The following IQCM variants were observed in gnomAD, a reference collection of about 807,000 sequenced individuals.
The protein encoded by IQCM is IQ domain-containing protein M.
Under a neutral mutation model 57.6 loss-of-function variants are expected in IQCM, and 45 were observed. That is an observed-to-expected ratio of 0.78 (90% CI 0.62 to 1.00). IQCM has a LOEUF of 1.00. IQCM is among the 50% of genes least tolerant of loss of function. The pLI is 0.00. For synonymous variants in IQCM, 148 were observed against 158.9 expected, an observed-to-expected ratio of 0.93 and a Z score of 0.51; for missense variants, 468 against 511.6, an observed-to-expected ratio of 0.91 and a Z score of 0.82.
rs573297441 is a variant in IQCM, at chr4:149,707,168, T to C, written c.386-20700A>G. ...ACATGGCTTGAAAATTCTTTAGCAGTGAGGTAAACTGGCTAATGGTAGTAG... is the reference window on the plus strand; with the variant it reads ...ACATGGCTTGAAAATTCTTTAGCAGCGAGGTAAACTGGCTAATGGTAGTAG... On this transcript the variant is annotated intron_variant, in intron 5 of 13. Coordinates refer to ENST00000636793, the MANE Select transcript of IQCM (RefSeq NM_001363507.2). Among the ~76,000 whole-genome samples the C allele has an allele frequency of 2.5e-4, 38 of 152,064 alleles. No individual in the cohort carries two copies. In the Middle Eastern group the frequency reaches 0.01, roughly 41 times the overall value.
chr4:149,419,153 A>G (rs965979698), intron 13 of IQCM, among the ~76,000 whole-genome samples: 3 of 152,142 alleles, frequency 2.0e-5, no homozygotes, highest in African/African-American at 7.2e-5. Context: ...TAAAATTCAT[A>G]TGGAACCAAA....
intron 12 of IQCM, among the ~76,000 whole-genome samples, chr4:149,466,526 A>G (rs1320473022): frequency 1.3e-5 from 2 of 152,224 alleles, no homozygotes; most frequent in African/African-American, 4.8e-5. Flanking sequence ...TACTTATGAG[A>G]AAACAGTTGG....
rs143773591 is a variant in IQCM at position 149,422,211 on chromosome 4, T to A, written c.1390+11185A>T. Reference sequence around the variant, plus strand: ...GATTTCAGAATGAAGTGCTATTTCCTACTACTTAATATGTGTAGTTGGAAA... The same window carrying A: ...GATTTCAGAATGAAGTGCTATTTCCAACTACTTAATATGTGTAGTTGGAAA... On this transcript the variant is annotated intron_variant, in intron 13 of 13. Coordinates refer to ENST00000636793, the MANE Select transcript of IQCM (RefSeq NM_001363507.2). 1.4e-4 allele frequency among the ~76,000 whole-genome samples: 21 copies of A among 152,152 alleles called. No homozygotes were observed. The East Asian group carries it at 3.9e-3, about 28-fold the overall frequency.
intron 12 of IQCM, among the ~76,000 whole-genome samples, chr4:149,464,492 C>A (rs563223393): frequency 1.3e-5 from 2 of 152,170 alleles, no homozygotes. Context: ...TTCTTTCTTG[C>A]CAGGTTTGTC....
At chr4:149,655,740 A>G (rs2150142645) in intron 7 of IQCM, among the ~76,000 whole-genome samples, 1 of 152,286 alleles carries the variant, frequency 6.6e-6, no homozygotes, top group African/African-American at 2.4e-5. Flanking sequence ...CCAAATTTTA[A>G]CTGAGTGCAT....
rs559782605 is a variant in IQCM at position 149,612,386 on chromosome 4, A to C, written c.681+8743T>G. ...CCAAAAATAACCTGAGCTTCATTTT[A>C]TTTTTCCACCCATTTTCTCATTTAC... On this transcript the variant is annotated intron_variant, in intron 8 of 13. Transcript: ENST00000636793. 2.0e-5 allele frequency among the ~76,000 whole-genome samples: 3 copies of C among 152,218 alleles called. No homozygotes were observed. In the East Asian group the frequency reaches 5.8e-4, roughly 29 times the overall value.
chr4:149,617,590 C>T (rs988625954), intron 8 of IQCM, among the ~76,000 whole-genome samples: 2 of 152,122 alleles, frequency 1.3e-5, no homozygotes, highest in Non-Finnish European at 2.9e-5. Context: ...ACACCCCAAA[C>T]TTTCAGTTTA....
chr4:149,796,411 T>C (rs1773122448), intron 2 of IQCM, among the ~76,000 whole-genome samples: 1 of 152,136 alleles, frequency 6.6e-6, no homozygotes, highest in Admixed American at 6.5e-5. Flanking sequence ...GAATACCAGG[T>C]AGACTTCTAA....
At chr4:149,574,579 C>T (rs1049717919) in intron 9 of IQCM, among the ~76,000 whole-genome samples, 1 of 151,870 alleles carries the variant, frequency 6.6e-6, no homozygotes, top group Non-Finnish European at 1.5e-5. Context: ...TGCAAGATTA[C>T]ATGTGAGAAA....
intron 7 of IQCM, among the ~76,000 whole-genome samples, chr4:149,674,211 T>C (rs543526538): frequency 6.6e-6 from 1 of 152,130 alleles, no homozygotes; most frequent in Non-Finnish European, 1.5e-5. Flanking sequence ...TAGAGCCAGA[T>C]GAAAATATTT....
intron 12 of IQCM, among the ~76,000 whole-genome samples, chr4:149,434,457 T>A (rs1289357354): frequency 6.6e-6 from 1 of 152,130 alleles, no homozygotes; most frequent in African/African-American, 2.4e-5. Flanking sequence ...TTAAAGTGAT[T>A]CTGCCTAGAA....
intron 12 of IQCM, among the ~76,000 whole-genome samples, chr4:149,450,962 T>C (rs1303539217): frequency 6.6e-6 from 1 of 151,674 alleles, no homozygotes. Flanking sequence ...TGGCTAAGTG[T>C]CCATTAATGA....
At chr4:149,393,516 A>G (rs570925406) in intron 13 of IQCM, among the ~76,000 whole-genome samples, 6 of 152,080 alleles carry the variant, frequency 3.9e-5, no homozygotes, top group Admixed American at 2.6e-4. Context: ...TTTTAAGAAC[A>G]TAAAGATATA....
intron 12 of IQCM, among the ~76,000 whole-genome samples, chr4:149,466,588 T>G (rs1243330293): frequency 6.6e-6 from 1 of 152,240 alleles, no homozygotes; most frequent in Non-Finnish European, 1.5e-5. Context: ...GATAGCTGTC[T>G]ATAATTGTTA....
At chr4:149,546,049 ATGAG>A (rs1748379861) in intron 12 of IQCM, among the ~76,000 whole-genome samples, 1 of 152,022 alleles carries the variant, frequency 6.6e-6, no homozygotes, top group African/African-American at 2.4e-5. Flanking sequence ...ATTCCCACCT[ATGAG>A]TGAGAACATG....
At chr4:149,383,474 A>G (rs1274092651) in intron 13 of IQCM, among the ~76,000 whole-genome samples, 1 of 152,156 alleles carries the variant, frequency 6.6e-6, no homozygotes, top group Non-Finnish European at 1.5e-5. Flanking sequence ...CACATTTAAC[A>G]CAATCCTGTT....
intron 10 of IQCM, among the ~76,000 whole-genome samples, chr4:149,557,997 A>G (rs1416878269): frequency 2.6e-5 from 4 of 152,208 alleles, no homozygotes; most frequent in Admixed American, 1.3e-4. Context: ...AGAAAATTCT[A>G]TCTAGCAGCA....
At chr4:149,561,792 T>G (rs1048874068) in intron 10 of IQCM, among the ~76,000 whole-genome samples, 4 of 152,186 alleles carry the variant, frequency 2.6e-5, no homozygotes, top group Middle Eastern at 3.2e-3. Flanking sequence ...ATAAGTCATA[T>G]AAACCATACT....
intron 13 of IQCM, among the ~76,000 whole-genome samples, chr4:149,412,574 A>G (rs1733467153): frequency 6.6e-6 from 1 of 152,184 alleles, no homozygotes; most frequent in South Asian, 2.1e-4. Context: ...CTTGTGATGT[A>G]GCAGTAACAT....
Sources: allele counts gnomAD v4.1 joint callset (sites outside exome capture counted in the v4.1 genomes callset), GRCh38; gene constraint gnomAD v4.1.1; transcripts MANE v1.5; gene names NCBI Gene and HGNC (gene_info 2026-07-23, HGNC 2026-07-21).